The following BABAM2 variants were observed in gnomAD, a reference collection of about 807,000 sequenced individuals.
The protein encoded by BABAM2 is BRISC and BRCA1-A complex member 2.
BABAM2 carries 31 observed loss-of-function variants against 54.7 expected under a neutral mutation model. The ratio of observed to expected loss-of-function variants is 0.57; its 90% confidence interval spans 0.43 to 0.77. The LOEUF (loss-of-function observed/expected upper bound fraction) is 0.77, where lower values mean the gene tolerates loss of function less well. Ranked by LOEUF, BABAM2 falls within the 30% of genes least tolerant of loss-of-function variation. BABAM2 has a pLI of 0.00. For synonymous variants in BABAM2, 167 were observed against 162.9 expected (o/e 1.03, Z -0.19); for missense variants, 364 against 455.8 (o/e 0.80, Z 1.83).
At position 28,242,262 on chromosome 2, in the gene BABAM2, G is replaced by A. The variant is rs551315302; in HGVS notation, c.851+869G>A. On this transcript the variant is annotated intron_variant, in intron 9 of 11. Coordinates refer to ENST00000379624, the MANE Select transcript of BABAM2 (RefSeq NM_199191.3). ...GCATTCGATGCAAAAGCGGTGGCTC[G>A]CACTTGAGGTTAGGAGTTGAAAGCA... Among the ~76,000 whole-genome samples the A allele has an allele frequency of 5.9e-5, 9 of 152,234 alleles. No homozygotes were observed. In the South Asian group the frequency reaches 1.2e-3, roughly 21 times the overall value.
intron 5 of BABAM2, 95 bp from the exon 6 acceptor site, chr2:28,045,630 A>G (rs866193818): frequency 2.2e-5 from 23 of 1,054,754 alleles, no homozygotes; most frequent in Middle Eastern, 3.0e-4. Context: ...AGATGCCTGC[A>G]TTTTGAACAG....
At chr2:28,053,965 A>C (rs1023432376) in intron 6 of BABAM2, among the ~76,000 whole-genome samples, 1 of 152,184 alleles carries the variant, frequency 6.6e-6, no homozygotes, top group Admixed American at 6.5e-5. Flanking sequence ...AAACATCACT[A>C]TGTTTTTCAT....
At chr2:28,310,248 C>A in intron 11 of BABAM2, 1 of 1,246,148 alleles carries the variant, frequency 8.0e-7, no homozygotes, top group Non-Finnish European at 1.1e-6. Flanking sequence ...ACTGCCAATA[C>A]AGCCCTCATC....
chr2:28,198,227 A>G (rs1170662245), intron 7 of BABAM2, among the ~76,000 whole-genome samples: 2 of 151,614 alleles, frequency 1.3e-5, no homozygotes, highest in Non-Finnish European at 2.9e-5. Context: ...GCAGTGGTAC[A>G]ATCTCGGCTC....
At chr2:28,024,096 A>G (rs1445115243) in intron 4 of BABAM2, among the ~76,000 whole-genome samples, 2 of 152,192 alleles carry the variant, frequency 1.3e-5, no homozygotes, top group South Asian at 2.1e-4. Flanking sequence ...TTAAAAAAAC[A>G]ACGACAGTTC....
rs1257410207 is a variant in BABAM2 at position 28,158,637 on chromosome 2, CTT to C, written c.680+29259_680+29260del. Among the ~76,000 whole-genome samples the C allele has an allele frequency of 2.0e-5, 3 of 152,334 alleles. No individual in the cohort carries two copies. In the East Asian group the frequency reaches 5.8e-4, roughly 29 times the overall value. ...TCTTGGACCATTCTGCTGTTTGTCT[CTT>C]TCATTGTTTGGAAGTCAAATTCCTT... On this transcript the variant is annotated intron_variant, in intron 7 of 11. Coordinates refer to ENST00000379624, the MANE Select transcript of BABAM2 (RefSeq NM_199191.3).
chr2:28,160,323 T>C (rs1218381806), intron 7 of BABAM2, among the ~76,000 whole-genome samples: 1 of 152,234 alleles, frequency 6.6e-6, no homozygotes. Flanking sequence ...GGCCCGTGCA[T>C]GGAGCTTAGT....
rs190371299 is a variant in BABAM2, at chr2:28,128,210, T to C, written c.571-1061T>C. Among the ~76,000 whole-genome samples the C allele has an allele frequency of 1.3e-4, 20 of 152,300 alleles. No homozygotes were observed. The East Asian group carries it at 3.9e-3, about 29-fold the overall frequency. On this transcript the variant is annotated intron_variant, in intron 6 of 11. Transcript: ENST00000379624. ...GGACCTATGAACTGATCCAGAAATA[T>C]AGGTCCGTTCTTACCAGTCTCTATG...
intron 4 of BABAM2, among the ~76,000 whole-genome samples, chr2:27,988,446 C>T (rs958811661): frequency 5.9e-5 from 9 of 152,010 alleles, no homozygotes; most frequent in Admixed American, 4.6e-4. Context: ...TTACAGGGCT[C>T]GTTAGGAGAG....
At chr2:27,926,247 C>T (rs1289915597) in intron 2 of BABAM2, among the ~76,000 whole-genome samples, 1 of 151,816 alleles carries the variant, frequency 6.6e-6, no homozygotes, top group Non-Finnish European at 1.5e-5. Context: ...TCCTTTTGCC[C>T]CTCTCTCCCT....
chr2:27,921,782 ATAACT>A (rs1472546133), intron 2 of BABAM2, among the ~76,000 whole-genome samples: 1 of 152,240 alleles, frequency 6.6e-6, no homozygotes, highest in African/African-American at 2.4e-5. Flanking sequence ...ATTATAGGTA[ATAACT>A]TAAAGTTTAA....
chr2:28,182,848 A>G (rs2147888497), intron 7 of BABAM2, among the ~76,000 whole-genome samples: 1 of 152,326 alleles, frequency 6.6e-6, no homozygotes, highest in Non-Finnish European at 1.5e-5. Context: ...ACAGATTCTT[A>G]AAGTATATCT....
chr2:28,002,850 A>G (rs1174659435), intron 4 of BABAM2, among the ~76,000 whole-genome samples: 1 of 152,224 alleles, frequency 6.6e-6, no homozygotes, highest in Non-Finnish European at 1.5e-5. Flanking sequence ...ATTTTCAAGT[A>G]AACAAAAGCA....
At chr2:27,930,171 C>G (rs1234211827) in intron 3 of BABAM2, 2 of 354,700 alleles carry the variant, frequency 5.6e-6, no homozygotes, top group African/African-American at 2.1e-5. Flanking sequence ...GTTTTTTTCT[C>G]TATAGGCGGC....
chr2:28,338,412 C>G (rs1337842155), intron 11 of BABAM2, 38 bp from the exon 12 acceptor site: 1 of 1,577,662 alleles, frequency 6.3e-7, no homozygotes, highest in South Asian at 1.1e-5. Context: ...GTTGTTTGTG[C>G]TAACCACAAT....
intron 10 of BABAM2, among the ~76,000 whole-genome samples, chr2:28,258,130 T>A (rs1684125944): frequency 6.6e-6 from 1 of 152,106 alleles, no homozygotes; most frequent in Non-Finnish European, 1.5e-5. Context: ...TGAGCTGAGA[T>A]CGCACCACTG....
Position 27,929,909 on chromosome 2 carries a change from G to T in BABAM2, c.205+1G>T. ...CCATATGCTGGAGAGACATTAAAGT[G>T]TAAGTAAATGATGACTATTTTACTC... On this transcript the variant is annotated splice_donor_variant, in intron 3 of 11. Transcript: ENST00000379624. LOFTEE classifies it high-confidence loss of function. 1.2e-6 allele frequency: 2 copies of T among 1,608,428 alleles called. No homozygotes were observed. The highest frequency in any genetic ancestry group is 1.7e-6 in the Non-Finnish European group (2 of 1,174,836).
intron 10 of BABAM2, among the ~76,000 whole-genome samples, chr2:28,283,824 TA>T (rs753386468): frequency 6.6e-6 from 1 of 152,144 alleles, no homozygotes; most frequent in African/African-American, 2.4e-5. Flanking sequence ...TAGAAAGGGA[TA>T]GGGGAGCAGT....
At chr2:28,334,362 C>T (rs1033324985) in intron 11 of BABAM2, among the ~76,000 whole-genome samples, 5 of 152,260 alleles carry the variant, frequency 3.3e-5, no homozygotes, top group African/African-American at 1.2e-4. Flanking sequence ...GACCCGACCC[C>T]TGCCCAGCTC....
Sources: gnomAD v4.1 joint callset for allele counts (sites outside exome capture counted in the v4.1 genomes callset) on GRCh38, gnomAD v4.1.1 for gene constraint, MANE v1.5 for transcripts, NCBI Gene and HGNC (gene_info 2026-07-23, HGNC 2026-07-21) for gene names.